The following GRID2 variants were observed in gnomAD, a reference collection of about 807,000 sequenced individuals.
GRID2 encodes the protein glutamate receptor ionotropic, delta-2.
In GRID2, 33 loss-of-function variants were observed where a neutral mutation model predicts 114.8. That is an observed-to-expected ratio of 0.29 (90% CI 0.22 to 0.38). GRID2 has a LOEUF of 0.38. Among genes scored for constraint, GRID2 ranks in the 10% least tolerant of loss-of-function variants. GRID2 has a pLI of 1.00. For missense variants in GRID2, 1,184 were observed against 1,257.7 expected, an observed-to-expected ratio of 0.94 and a Z score of 0.89; for synonymous variants, 505 against 449.9, an observed-to-expected ratio of 1.12 and a Z score of -1.55.
chr4:93,567,879 G>C (rs1735584199), intron 13 of GRID2, among the ~76,000 whole-genome samples: 1 of 152,204 alleles, frequency 6.6e-6, no homozygotes, highest in South Asian at 2.1e-4. Flanking sequence ...TTTATAGGCT[G>C]TCTGTCACTT....
At chr4:93,307,731 C>T (rs1755582574) in intron 8 of GRID2, among the ~76,000 whole-genome samples, 1 of 152,108 alleles carries the variant, frequency 6.6e-6, no homozygotes, top group African/African-American at 2.4e-5. Flanking sequence ...GCCAATAATT[C>T]CATTCCAAAT....
intron 13 of GRID2, among the ~76,000 whole-genome samples, chr4:93,516,880 T>G (rs936584141): frequency 5.9e-5 from 9 of 152,166 alleles, no homozygotes; most frequent in Admixed American, 2.6e-4. Context: ...TTATAGTTCA[T>G]ATTTCTATTC....
intron 14 of GRID2, among the ~76,000 whole-genome samples, chr4:93,646,987 TTAATC>T (rs1346754772): frequency 2.0e-5 from 3 of 152,126 alleles, no homozygotes; most frequent in African/African-American, 4.8e-5. Flanking sequence ...ATTAGACAGA[TTAATC>T]TAAGTTATAA....
intron 8 of GRID2, among the ~76,000 whole-genome samples, chr4:93,256,195 T>G (rs1177295309): frequency 6.6e-6 from 1 of 152,088 alleles, no homozygotes; most frequent in Non-Finnish European, 1.5e-5. Flanking sequence ...TTCCCGTTCA[T>G]TTTTTCAAGG....
chr4:92,491,967 A>G (rs1723166089), intron 1 of GRID2, among the ~76,000 whole-genome samples: 1 of 152,196 alleles, frequency 6.6e-6, no homozygotes, highest in Non-Finnish European at 1.5e-5. Context: ...ACAGGATACA[A>G]AAATGAATGA....
intron 2 of GRID2, among the ~76,000 whole-genome samples, chr4:93,045,772 C>A (rs185853018): frequency 6.6e-6 from 1 of 152,046 alleles, no homozygotes. Context: ...ATTGATAATA[C>A]GAAACTTTAT....
chr4:92,533,213 A>G (rs1725437676), intron 1 of GRID2, among the ~76,000 whole-genome samples: 1 of 141,324 alleles, frequency 7.1e-6, no homozygotes, highest in Admixed American at 7.4e-5. Flanking sequence ...TTTTTTTTTG[A>G]GAAACTTTCA....
chr4:92,669,234 G>A (rs1366405180), intron 2 of GRID2, among the ~76,000 whole-genome samples: 1 of 151,736 alleles, frequency 6.6e-6, no homozygotes, highest in East Asian at 1.9e-4. Context: ...ATTAAACATA[G>A]AAACTTAAAG....
chr4:93,431,657 A>AT (rs1430415828), intron 10 of GRID2, among the ~76,000 whole-genome samples: 3 of 152,126 alleles, frequency 2.0e-5, no homozygotes, highest in Non-Finnish European at 4.4e-5. Context: ...CATATGTATT[A>AT]TTTTTTCAGA....
At chr4:92,633,330 A>G (rs1404676747) in intron 2 of GRID2, among the ~76,000 whole-genome samples, 1 of 152,204 alleles carries the variant, frequency 6.6e-6, no homozygotes, top group African/African-American at 2.4e-5. Flanking sequence ...TGAAAATACA[A>G]CTTAAATTTG....
intron 13 of GRID2, among the ~76,000 whole-genome samples, chr4:93,518,038 T>C (rs1246729258): frequency 2.6e-5 from 3 of 114,582 alleles, no homozygotes; most frequent in Non-Finnish European, 5.6e-5. Context: ...TGTATGTATA[T>C]ATACGCATAT....
At chr4:92,310,196 C>T (rs1227385921) in intron 1 of GRID2, among the ~76,000 whole-genome samples, 1 of 151,944 alleles carries the variant, frequency 6.6e-6, no homozygotes, top group African/African-American at 2.4e-5. Context: ...TCATGTAAAA[C>T]TCATAACTAT....
At chr4:92,326,080 AT>A (rs1238600374) in intron 1 of GRID2, among the ~76,000 whole-genome samples, 1 of 151,882 alleles carries the variant, frequency 6.6e-6, no homozygotes, top group African/African-American at 2.4e-5. Flanking sequence ...TTAGGTAAGC[AT>A]TTAATTCTCC....
chr4:92,542,131 A>T (rs1725996661), intron 1 of GRID2, among the ~76,000 whole-genome samples: 1 of 151,956 alleles, frequency 6.6e-6, no homozygotes. Context: ...ACTTTTTAGA[A>T]AAGCTGATAT....
In GRID2 at chr4:93,721,957, C is replaced by T. The variant is rs558761319; in HGVS notation, c.2361-47253C>T. On this transcript the variant is annotated intron_variant, in intron 14 of 15. Transcript: ENST00000282020. ...TTTTTGAGACGGAATCTTGCTCTGCCGCCCAGGCTGGAGTGCAATGGCATG... is the reference window on the plus strand; with the variant it reads ...TTTTTGAGACGGAATCTTGCTCTGCTGCCCAGGCTGGAGTGCAATGGCATG... Among the ~76,000 whole-genome samples, 57 of 148,966 alleles carry T rather than the reference C, an allele frequency of 3.8e-4. 1 individual carries two copies. Among genetic ancestry groups the T allele is most frequent in the Admixed American group, 3.1e-3 (46 of 14,940 alleles).
At chr4:93,666,172 T>G (rs1723928865) in intron 14 of GRID2, among the ~76,000 whole-genome samples, 1 of 152,122 alleles carries the variant, frequency 6.6e-6, no homozygotes, top group Admixed American at 6.6e-5. Context: ...TGCTATGTCT[T>G]CATTGTCAGC....
intron 1 of GRID2, among the ~76,000 whole-genome samples, chr4:92,448,786 A>C (rs760677462): frequency 6.6e-6 from 1 of 152,084 alleles, no homozygotes; most frequent in African/African-American, 2.4e-5. Flanking sequence ...AAGCATAAAC[A>C]CATTTAAATA....
At chr4:93,117,686 T>C (rs1315965560) in intron 4 of GRID2, among the ~76,000 whole-genome samples, 1 of 152,110 alleles carries the variant, frequency 6.6e-6, no homozygotes, top group Non-Finnish European at 1.5e-5. Context: ...GATTTCCCTG[T>C]TTAAAATATC....
At chr4:93,734,600 C>T (rs1007323596) in intron 14 of GRID2, among the ~76,000 whole-genome samples, 1 of 151,944 alleles carries the variant, frequency 6.6e-6, no homozygotes, top group Non-Finnish European at 1.5e-5. Context: ...AACTAGTTCA[C>T]CAAGTTCATG....
Sources: allele counts gnomAD v4.1 joint callset (sites outside exome capture counted in the v4.1 genomes callset), GRCh38; gene constraint gnomAD v4.1.1; transcripts MANE v1.5; gene names NCBI Gene and HGNC (gene_info 2026-07-23, HGNC 2026-07-21).